The following TMEM178A variants were observed in gnomAD, a reference collection of about 807,000 sequenced individuals.
TMEM178A encodes the protein transmembrane protein 178A.
In TMEM178A, 12 loss-of-function variants were observed where a neutral mutation model predicts 29.1. That is an observed-to-expected ratio of 0.41 (90% CI 0.26 to 0.67). The LOEUF is 0.67. Among genes scored for constraint, TMEM178A ranks in the 30% least tolerant of loss-of-function variants. The probability of loss-of-function intolerance (pLI) is 0.29; values close to 1 mark genes in which losing one functional copy is unlikely to be tolerated. For synonymous variants in TMEM178A, 210 were observed against 187.2 expected, an observed-to-expected ratio of 1.12 and a Z score of -0.99; for missense variants, 366 against 419.1, an observed-to-expected ratio of 0.87 and a Z score of 1.11.
chr2:39,693,619 G>C (rs1173791764), intron 1 of TMEM178A, among the ~76,000 whole-genome samples: 2 of 152,108 alleles, frequency 1.3e-5, no homozygotes, highest in Non-Finnish European at 2.9e-5. Flanking sequence ...TCCTGCTAGA[G>C]AGGGAAGAAA....
At chr2:39,723,151 T>C in the TMEM178A span, among the ~76,000 whole-genome samples, 1 of 152,198 alleles carries the variant, frequency 6.6e-6, no homozygotes, top group East Asian at 1.9e-4. Context: ...GCCTGTTAGG[T>C]TGATTGTGAT....
Position 39,707,200 on chromosome 2 carries a change from C to T in TMEM178A, c.652+14C>T. 1.9e-6 allele frequency: 3 copies of T among 1,602,462 alleles called. No individual in the cohort carries two copies. The highest frequency in any genetic ancestry group is 2.2e-5 in the East Asian group (1 of 44,672). ...TCCTCATGACAGGTAGGCTGCATGC[C>T]TCAGGCCGTCTGTCCCAGCCAAGGT... On this transcript the variant is annotated intron_variant, in intron 3 of 3. Coordinates refer to ENST00000281961, the MANE Select transcript of TMEM178A (RefSeq NM_152390.3).
intron 1 of TMEM178A, among the ~76,000 whole-genome samples, chr2:39,693,976 T>C (rs1431808606): frequency 1.3e-5 from 2 of 151,504 alleles, no homozygotes; most frequent in African/African-American, 2.4e-5. Flanking sequence ...CTTTTTTTTT[T>C]TTTTTAACTT....
At chr2:39,715,732 A>G (rs1672506850) in intron 3 of TMEM178A, among the ~76,000 whole-genome samples, 2 of 152,218 alleles carry the variant, frequency 1.3e-5, no homozygotes, top group Admixed American at 1.3e-4. Context: ...AAGCGGATTC[A>G]GGCAACGTGC....
At chr2:39,704,260 C>T (rs903038635) in intron 2 of TMEM178A, 66 bp downstream of exon 2, 1 of 1,322,616 alleles carries the variant, frequency 7.6e-7, no homozygotes, top group Non-Finnish European at 1.1e-6. Flanking sequence ...CCCACCACCC[C>T]TCTCACATCT....
intron 1 of TMEM178A, among the ~76,000 whole-genome samples, chr2:39,688,007 A>G (rs770283066): frequency 1.3e-5 from 2 of 152,216 alleles, no homozygotes; most frequent in African/African-American, 2.4e-5. Flanking sequence ...AGAGGTAACA[A>G]TAGAACCTAT....
the TMEM178A span, among the ~76,000 whole-genome samples, chr2:39,734,949 TG>T: frequency 6.6e-6 from 1 of 152,212 alleles, no homozygotes; most frequent in Non-Finnish European, 1.5e-5. Flanking sequence ...GTTACCACCC[TG>T]GGGCAAGCTA....
At chr2:39,677,108 C>G (rs1023229409) in intron 1 of TMEM178A, among the ~76,000 whole-genome samples, 18 of 152,128 alleles carry the variant, frequency 1.2e-4, no homozygotes, top group African/African-American at 4.3e-4. Context: ...GATTGGAGAG[C>G]TTGGTGCTTC....
chr2:39,714,563 G>GA (rs1672453440), intron 3 of TMEM178A, among the ~76,000 whole-genome samples: 1 of 152,098 alleles, frequency 6.6e-6, no homozygotes, highest in African/African-American at 2.4e-5. Context: ...CTTGGATAAA[G>GA]AAAAATTCTG....
chr2:39,691,046 CAAACA>C (rs1302978434), intron 1 of TMEM178A, among the ~76,000 whole-genome samples: 2 of 151,970 alleles, frequency 1.3e-5, no homozygotes, highest in Non-Finnish European at 2.9e-5. Context: ...GAGAAACAAA[CAAACA>C]AAAGAATGAA....
the TMEM178A span, among the ~76,000 whole-genome samples, chr2:39,724,778 T>A: frequency 6.6e-6 from 1 of 152,114 alleles, no homozygotes; most frequent in Non-Finnish European, 1.5e-5. Context: ...CCAAGATCTC[T>A]CAGCCAGTCT....
At position 39,681,897 on chromosome 2, in the gene TMEM178A, T is replaced by G. The variant is rs989758656; in HGVS notation, c.400+15523T>G. On this transcript the variant is annotated intron_variant, in intron 1 of 3. Coordinates refer to ENST00000281961, the MANE Select transcript of TMEM178A (RefSeq NM_152390.3). Reference sequence around the variant, plus strand: ...GAACTGCTGGTAGTTATCACCTGTCTACAGTGGAGATGGTGTTCATGTACT... The same window carrying G: ...GAACTGCTGGTAGTTATCACCTGTCGACAGTGGAGATGGTGTTCATGTACT... Among the ~76,000 whole-genome samples the G allele has an allele frequency of 2.0e-4, 30 of 152,198 alleles. 1 individual carries two copies. Among genetic ancestry groups the G allele is most frequent in the African/African-American group, 6.5e-4 (27 of 41,456 alleles).
intron 1 of TMEM178A, among the ~76,000 whole-genome samples, chr2:39,680,235 G>A (rs1670809780): frequency 6.6e-6 from 1 of 152,164 alleles, no homozygotes; most frequent in Admixed American, 6.5e-5. Flanking sequence ...ACCAGCTGTA[G>A]TTATAAGATG....
At chr2:39,682,501 T>C (rs998495721) in intron 1 of TMEM178A, among the ~76,000 whole-genome samples, 14 of 152,134 alleles carry the variant, frequency 9.2e-5, no homozygotes, top group African/African-American at 2.9e-4. Flanking sequence ...TATTCCACTT[T>C]GCTGCTTCTG....
downstream of TMEM178A, among the ~76,000 whole-genome samples, chr2:39,720,141 C>A (rs1487756798): frequency 6.6e-6 from 1 of 152,166 alleles, no homozygotes; most frequent in African/African-American, 2.4e-5. Context: ...TTCCCATTGG[C>A]TGTGCATTTC....
the TMEM178A span, among the ~76,000 whole-genome samples, chr2:39,734,557 G>A: frequency 7.9e-5 from 12 of 152,286 alleles, no homozygotes; most frequent in Non-Finnish European, 1.6e-4. Context: ...TTCTTAAAGT[G>A]CAGACTCACA....
At chr2:39,712,988 A>G (rs1304537172) in intron 3 of TMEM178A, among the ~76,000 whole-genome samples, 1 of 152,222 alleles carries the variant, frequency 6.6e-6, no homozygotes, top group African/African-American at 2.4e-5. Flanking sequence ...AGTTGGTAGA[A>G]CTCAATGTAT....
intron 1 of TMEM178A, among the ~76,000 whole-genome samples, chr2:39,666,681 T>A (rs1670178801): frequency 1.3e-5 from 2 of 152,118 alleles, no homozygotes; most frequent in African/African-American, 4.8e-5. Flanking sequence ...GTTCTCTCTC[T>A]CTCCCCGTCC....
intron 1 of TMEM178A, among the ~76,000 whole-genome samples, chr2:39,669,314 T>C (rs895701600): frequency 2.6e-5 from 4 of 152,216 alleles, no homozygotes; most frequent in African/African-American, 9.7e-5. Context: ...ATTCTCATAA[T>C]AGGAATTATT....
Sources: gnomAD v4.1 joint callset for allele counts (sites outside exome capture counted in the v4.1 genomes callset) on GRCh38, gnomAD v4.1.1 for gene constraint, MANE v1.5 for transcripts, NCBI Gene and HGNC (gene_info 2026-07-23, HGNC 2026-07-21) for gene names.